Variants in XIRP2 observed in about 807,000 individuals in gnomAD.
The protein encoded by XIRP2 is xin actin-binding repeat-containing protein 2.
A neutral mutation model predicts 277.0 loss-of-function variants in XIRP2; 236 were observed. The observed-to-expected ratio is 0.85, with a 90% CI of 0.77 to 0.95. The LOEUF (loss-of-function observed/expected upper bound fraction) is 0.95, where lower values mean the gene tolerates loss of function less well. Ranked by LOEUF, XIRP2 falls within the 40% of genes least tolerant of loss-of-function variation. The pLI is 0.00. For missense variants in XIRP2, 4,640 were observed against 4,157.5 expected (o/e 1.12, Z -3.19); for synonymous variants, 1,490 against 1,416.5 (o/e 1.05, Z -1.17).
chr2:167,254,529 T>G (rs149817294), intron 10 of XIRP2, among the ~76,000 whole-genome samples: 3 of 152,014 alleles, frequency 2.0e-5, no homozygotes, highest in Non-Finnish European at 2.9e-5. Context: ...TAAGTAATTT[T>G]GGCTTTGCAG....
At chr2:166,943,049 A>T (rs763365720) in intron 2 of XIRP2, among the ~76,000 whole-genome samples, 1 of 152,118 alleles carries the variant, frequency 6.6e-6, no homozygotes, top group Non-Finnish European at 1.5e-5. Flanking sequence ...ATACAAACAA[A>T]TGCCTATCAG....
At chr2:167,102,966 T>C (rs1690523030) in intron 2 of XIRP2, among the ~76,000 whole-genome samples, 1 of 152,096 alleles carries the variant, frequency 6.6e-6, no homozygotes, top group African/African-American at 2.4e-5. Context: ...ATAAAAAGAA[T>C]AGAAACTTCA....
At chr2:167,067,147 T>C (rs1689321019) in intron 2 of XIRP2, among the ~76,000 whole-genome samples, 1 of 152,150 alleles carries the variant, frequency 6.6e-6, no homozygotes, top group Non-Finnish European at 1.5e-5. Context: ...TTTCTATTCC[T>C]TTCCCGAGAC....
intron 2 of XIRP2, among the ~76,000 whole-genome samples, chr2:166,958,462 T>A (rs1052593886): frequency 2.0e-5 from 3 of 151,818 alleles, no homozygotes; most frequent in African/African-American, 7.2e-5. Context: ...CAGTAAGTAT[T>A]CTTGCTTGTA....
intron 3 of XIRP2, among the ~76,000 whole-genome samples, chr2:167,152,325 G>C (rs1692041588): frequency 6.6e-6 from 1 of 151,908 alleles, no homozygotes; most frequent in African/African-American, 2.4e-5. Context: ...ATCTAGAACA[G>C]ATTTTGCTGC....
intron 2 of XIRP2, among the ~76,000 whole-genome samples, chr2:167,023,773 C>T (rs371211561): frequency 1.8e-4 from 27 of 151,782 alleles, no homozygotes; most frequent in Admixed American, 5.3e-4. Context: ...TGTAGATATG[C>T]GGCATTATTT....
chr2:167,242,872 A>G lies in XIRP2; in HGVS notation c.1480A>G (p.Asn494Asp). The G allele has an allele frequency of 6.2e-7, 1 of 1,614,124 alleles. No homozygotes were observed. Among genetic ancestry groups the G allele is most frequent in the South Asian group, 1.1e-5 (1 of 91,074 alleles). Residue 494 changes from asparagine to aspartate, a missense_variant, in exon 9 of 11, where the codon AAT (asparagine) becomes GAT (aspartate). Transcript: ENST00000409195. Reference sequence around the variant, plus strand: ...CAAAGATGTATATTCCAAGCAAAGAAATTTGTATGAATTAAACCGTTTATA... The same window carrying G: ...CAAAGATGTATATTCCAAGCAAAGAGATTTGTATGAATTAAACCGTTTATA... ...VPKDVYSKQR[N>D]LYELNRLYKH...
At chr2:167,240,846 C>A in intron 7 of XIRP2, 110 bp downstream of exon 7, 1 of 922,842 alleles carries the variant, frequency 1.1e-6, no homozygotes, top group Non-Finnish European at 1.8e-6. Flanking sequence ...ACTTTAGTAA[C>A]TATGACTCAT....
intron 5 of XIRP2, among the ~76,000 whole-genome samples, chr2:167,231,726 C>A (rs779212150): frequency 2.0e-5 from 3 of 151,924 alleles, no homozygotes; most frequent in Non-Finnish European, 2.9e-5. Flanking sequence ...TGATCATCTC[C>A]ATCTTGGGCT....
chr2:166,920,735 A>C (rs1387684958), intron 2 of XIRP2, among the ~76,000 whole-genome samples: 1 of 152,162 alleles, frequency 6.6e-6, no homozygotes, highest in African/African-American at 2.4e-5. Flanking sequence ...TAAACACTTT[A>C]CTGACATTTT....
intron 2 of XIRP2, among the ~76,000 whole-genome samples, chr2:167,087,866 G>C (rs1035781253): frequency 6.6e-6 from 1 of 152,118 alleles, no homozygotes; most frequent in African/African-American, 2.4e-5. Flanking sequence ...AGATGAACCC[G>C]GTACCTCAGA....
intron 2 of XIRP2, among the ~76,000 whole-genome samples, chr2:166,988,503 A>C (rs1687076782): frequency 7.4e-6 from 1 of 134,350 alleles, no homozygotes; most frequent in African/African-American, 3.0e-5. Context: ...TACAGCTCCC[A>C]GCGTGAGCGA....
chr2:167,236,320 T>C (rs1694898380), intron 5 of XIRP2, among the ~76,000 whole-genome samples: 1 of 152,018 alleles, frequency 6.6e-6, no homozygotes, highest in African/African-American at 2.4e-5. Context: ...ATTGGGAAAT[T>C]TACAATGTCT....
chr2:167,086,837 C>T (rs370850029), intron 2 of XIRP2, among the ~76,000 whole-genome samples: 2 of 150,056 alleles, frequency 1.3e-5, no homozygotes, highest in Non-Finnish European at 3.0e-5. Flanking sequence ...TCTAGTTATA[C>T]ATTCTTCTAA....
At position 167,125,061 on chromosome 2, in the gene XIRP2, A is replaced by G. The variant is rs78994207; in HGVS notation, c.409-10848A>G. On this transcript the variant is annotated intron_variant, in intron 2 of 10. Coordinates refer to ENST00000409195, the MANE Select transcript of XIRP2 (RefSeq NM_152381.6). ...TCAATACTTCATCAAGCCTTGTTAA[A>G]TGAGGGGGCAAGCCACATTGTTTCT... Among the ~76,000 whole-genome samples the G allele has an allele frequency of 3.4e-3, 517 of 152,248 alleles. 26 individuals are homozygous for G. The East Asian group carries it at 0.085, about 25-fold the overall frequency.
chr2:166,954,044 C>T (rs1026390283), intron 2 of XIRP2, among the ~76,000 whole-genome samples: 1 of 151,750 alleles, frequency 6.6e-6, no homozygotes, highest in Non-Finnish European at 1.5e-5. Flanking sequence ...AAGTATTAAA[C>T]CCATCACTCC....
intron 2 of XIRP2, among the ~76,000 whole-genome samples, chr2:166,905,770 G>A (rs1465041426): frequency 6.6e-6 from 1 of 151,736 alleles, no homozygotes; most frequent in Admixed American, 6.6e-5. Context: ...AAGGGGACGA[G>A]GAGAAAAAGA....
At chr2:166,959,366 C>T (rs1686245462) in intron 2 of XIRP2, among the ~76,000 whole-genome samples, 1 of 151,804 alleles carries the variant, frequency 6.6e-6, no homozygotes, top group Non-Finnish European at 1.5e-5. Context: ...GATTGTGAGG[C>T]TTTACTATGC....
chr2:166,982,903 A>G (rs1294765791), intron 2 of XIRP2, among the ~76,000 whole-genome samples: 1 of 152,176 alleles, frequency 6.6e-6, no homozygotes, highest in Non-Finnish European at 1.5e-5. Context: ...GACAGAGATT[A>G]CAACTCTCCC....
Sources: gnomAD v4.1 joint callset for allele counts (sites outside exome capture counted in the v4.1 genomes callset) on GRCh38, gnomAD v4.1.1 for gene constraint, MANE v1.5 for transcripts, NCBI Gene and HGNC (gene_info 2026-07-23, HGNC 2026-07-21) for gene names.